TPRG1: variants seen among roughly 807,000 people sequenced by gnomAD.
The protein encoded by TPRG1 is tumor protein p63-regulated gene 1 protein.
In TPRG1, 29 loss-of-function variants were observed where a neutral mutation model predicts 29.3. That is an observed-to-expected ratio of 0.99 (90% CI 0.74 to 1.35). The LOEUF is 1.35. TPRG1 is among the 40% of genes most tolerant of loss of function. TPRG1 has a pLI of 0.00. For synonymous variants in TPRG1, 130 were observed against 116.8 expected (o/e 1.11, Z -0.73); for missense variants, 327 against 335.0 (o/e 0.98, Z 0.19).
chr3:189,057,749 C>T (rs891617302), intron 4 of TPRG1, among the ~76,000 whole-genome samples: 5 of 141,848 alleles, frequency 3.5e-5, no homozygotes, highest in South Asian at 2.2e-4. Flanking sequence ...TATATATATA[C>T]ATATATATAT....
At chr3:189,123,498 C>A (rs1722069519) in intron 1 of TPRG1, 1 of 152,090 alleles carries the variant, frequency 6.6e-6, no homozygotes, top group Non-Finnish European at 1.5e-5. Flanking sequence ...AACCTGCTAC[C>A]CAATCTGTTT....
chr3:189,030,227 C>T (rs1346012344), intron 4 of TPRG1, among the ~76,000 whole-genome samples: 2 of 152,022 alleles, frequency 1.3e-5, no homozygotes, highest in Non-Finnish European at 2.9e-5. Context: ...TCAATTTTCC[C>T]ATCACAAAAT....
At chr3:189,209,454 C>G (rs1734919765) in intron 2 of TPRG1, among the ~76,000 whole-genome samples, 1 of 152,188 alleles carries the variant, frequency 6.6e-6, no homozygotes, top group Non-Finnish European at 1.5e-5. Context: ...TCCAAATCCA[C>G]TACACATGAT....
intron 4 of TPRG1, among the ~76,000 whole-genome samples, chr3:189,308,024 A>G (rs16864202): frequency 0.097 from 14,769 of 152,228 alleles, 912 homozygotes; most frequent in East Asian, 0.19. Flanking sequence ...TGGATGTTGT[A>G]TGTCTGCAAC....
rs768782969 is a variant in TPRG1, at chr3:189,293,470, C to T, written c.480-16916C>T. 6.2e-4 allele frequency among the ~76,000 whole-genome samples: 94 copies of T among 152,022 alleles called. 1 individual carries two copies. The highest frequency in any genetic ancestry group is 1.6e-3 in the Admixed American group (25 of 15,266). On this transcript the variant is annotated intron_variant, in intron 4 of 5. Transcript: ENST00000345063. ...AGAGGGAAGATGGGGAAAGGTGTGG[C>T]GGGAAAGGGAGCAAAAGGTGCCAAG...
intron 3 of TPRG1, among the ~76,000 whole-genome samples, chr3:189,138,309 T>C (rs541187380): frequency 3.2e-4 from 48 of 152,312 alleles, no homozygotes; most frequent in Admixed American, 2.7e-3. Flanking sequence ...ACTGGTTGTT[T>C]TTCTGGTAAC....
intron 4 of TPRG1, among the ~76,000 whole-genome samples, chr3:189,046,091 C>T (rs1443300704): frequency 6.6e-6 from 1 of 152,150 alleles, no homozygotes; most frequent in African/African-American, 2.4e-5. Context: ...CAGCAGACTT[C>T]TAAGGTTTTA....
chr3:189,174,731 C>G (rs1299858569), intron 1 of TPRG1, among the ~76,000 whole-genome samples: 1 of 152,146 alleles, frequency 6.6e-6, no homozygotes, highest in Non-Finnish European at 1.5e-5. Context: ...AGCTAGCTAT[C>G]AAAACTCAGT....
chr3:189,191,534 A>G (rs895438767), intron 1 of TPRG1, among the ~76,000 whole-genome samples: 1 of 152,146 alleles, frequency 6.6e-6, no homozygotes. Flanking sequence ...TAACATCCTA[A>G]CCCAGGTGGA....
chr3:189,102,488 A>C (rs537074964), intron 1 of TPRG1, among the ~76,000 whole-genome samples: 2 of 151,010 alleles, frequency 1.3e-5, no homozygotes, highest in African/African-American at 5.0e-5. Context: ...CTTCTTTCTC[A>C]GCCCTACATG....
At chr3:189,319,508 C>T (rs1724048787) in intron 5 of TPRG1, among the ~76,000 whole-genome samples, 1 of 151,904 alleles carries the variant, frequency 6.6e-6, no homozygotes, top group South Asian at 2.1e-4. Flanking sequence ...CACACCAACA[C>T]ATTCTTTGGC....
intron 4 of TPRG1, among the ~76,000 whole-genome samples, chr3:189,309,679 T>G (rs1441336854): frequency 1.3e-5 from 2 of 152,178 alleles, no homozygotes; most frequent in African/African-American, 4.8e-5. Context: ...AAGCTTACTT[T>G]CTCTTGCTCT....
chr3:189,006,021 G>C (rs710507), intron 3 of TPRG1, among the ~76,000 whole-genome samples: 135,082 of 152,156 alleles, frequency 0.89, 61,844 homozygotes, highest in Non-Finnish European at 1. Context: ...ATTCATGCCA[G>C]GAACACTAAT....
intron 5 of TPRG1, among the ~76,000 whole-genome samples, chr3:189,310,931 T>C (rs1722386158): frequency 6.6e-6 from 1 of 152,162 alleles, no homozygotes; most frequent in African/African-American, 2.4e-5. Context: ...CACTTGTCTT[T>C]CTGAGACTTG....
intron 1 of TPRG1, among the ~76,000 whole-genome samples, chr3:189,174,486 T>C (rs1729224376): frequency 6.6e-6 from 1 of 152,180 alleles, no homozygotes; most frequent in African/African-American, 2.4e-5. Context: ...GTGTTTGAAT[T>C]TTCCACTTCT....
chr3:189,094,173 T>C (rs1422729414), intron 4 of TPRG1, among the ~76,000 whole-genome samples: 2 of 152,094 alleles, frequency 1.3e-5, no homozygotes, highest in Non-Finnish European at 2.9e-5. Context: ...AGAGATATTT[T>C]TGGGAACAGA....
chr3:189,228,161 C>A (rs1345664260), intron 3 of TPRG1, among the ~76,000 whole-genome samples: 1 of 152,108 alleles, frequency 6.6e-6, no homozygotes, highest in East Asian at 1.9e-4. Context: ...AACAACAATT[C>A]CTCTAAAAGA....
At chr3:189,013,784 C>G (rs1446499007) in intron 3 of TPRG1, among the ~76,000 whole-genome samples, 4 of 152,076 alleles carry the variant, frequency 2.6e-5, no homozygotes, top group Non-Finnish European at 5.9e-5. Flanking sequence ...TATTGCCCTT[C>G]TTTGTCTTTT....
chr3:189,249,982 A>G (rs1300793482), intron 4 of TPRG1, among the ~76,000 whole-genome samples: 1 of 152,130 alleles, frequency 6.6e-6, no homozygotes, highest in Non-Finnish European at 1.5e-5. Flanking sequence ...AAATTTGCAT[A>G]TTTGTATCAT....
Sources: allele counts gnomAD v4.1 joint callset (sites outside exome capture counted in the v4.1 genomes callset), GRCh38; gene constraint gnomAD v4.1.1; transcripts MANE v1.5; gene names NCBI Gene and HGNC (gene_info 2026-07-23, HGNC 2026-07-21).